The following DSTYK variants were observed in gnomAD, a reference collection of about 807,000 sequenced individuals.
DSTYK encodes dual serine/threonine and tyrosine protein kinase.
Under a neutral mutation model 98.7 loss-of-function variants are expected in DSTYK, and 34 were observed. The observed-to-expected ratio is 0.34, with a 90% CI of 0.26 to 0.46. The LOEUF (loss-of-function observed/expected upper bound fraction) is 0.46, where lower values mean the gene tolerates loss of function less well. Ranked by LOEUF, DSTYK falls within the 20% of genes least tolerant of loss-of-function variation. The pLI is 1.00. For missense variants in DSTYK, 962 were observed against 1,181.7 expected (o/e 0.81, Z 2.73); for synonymous variants, 462 against 457.3 (o/e 1.01, Z -0.13).
rs957622546 is a variant in DSTYK, at chr1:205,211,674, C to A, written c.-139G>T. The stretch of plus-strand genomic sequence containing the variant: ...TGCAGTCAGCCTGGCTCCCAACCTC[C>A]GTCACTGCCGTTGCAAACAAACCAA... On this transcript the variant is annotated 5_prime_UTR_variant, in exon 1 of 13. Transcript: ENST00000367162. 5.9e-6 allele frequency: 7 copies of A among 1,186,096 alleles called. No individual in the cohort carries two copies. The highest frequency in any genetic ancestry group is 6.7e-6 in the Non-Finnish European group (6 of 891,420). 73.5% of individuals were successfully genotyped at this position (1,186,096 alleles called of 1,614,324 possible).
rs1413839970 is a variant in DSTYK, at chr1:205,169,349, T to G, written c.1138A>C (p.Met380Leu). The G allele has an allele frequency of 6.2e-7, 1 of 1,614,196 alleles. No homozygotes were observed. The change falls in exon 3 of 13, where the codon ATG (methionine) becomes CTG (leucine). Residue 380 changes from methionine (M) to leucine (L), a missense_variant. Met to Leu is a conservative substitution (Grantham distance 15). Transcript: ENST00000367162. This position sits in a 1 kb window ranked among gnomAD's most constrained non-coding sequence, Gnocchi z 4.0. ...LDIFINQAFD[M>L]QRDLQITPKR... is the part of the protein sequence containing the mutation. ...GGAGTGATCTGCAGGTCCCGCTGCA[T>G]GTCAAATGCCTGGTTAATAAAGATG...
intron 7 of DSTYK, among the ~76,000 whole-genome samples, chr1:205,160,650 T>C (rs1183393132): frequency 6.6e-6 from 1 of 152,100 alleles, no homozygotes; most frequent in South Asian, 2.1e-4. Context: ...ACATTCTTCA[T>C]TGTGAACCTG....
At chr1:205,202,772 T>A in intron 1 of DSTYK, 1 of 630,972 alleles carries the variant, frequency 1.6e-6, no homozygotes, top group Admixed American at 2.4e-5. Flanking sequence ...TACAATTAAA[T>A]ATTTTTTTAA....
chr1:205,211,286 T>A lies in DSTYK; in HGVS notation c.250A>T (p.Thr84Ser). 2 of 1,606,954 alleles carry A rather than the reference T, an allele frequency of 1.2e-6. No homozygotes were observed. Among genetic ancestry groups the A allele is most frequent in the Non-Finnish European group, 1.7e-6 (2 of 1,177,414 alleles). Residue 84 changes from threonine to serine, a missense_variant, in exon 1 of 13, where the codon ACC (threonine) becomes TCC (serine). Thr to Ser is a moderately conservative substitution (Grantham distance 58). Around this residue, in one of 4 missense-constraint regions of DSTYK, gnomAD observed 660 missense variants for 855.0 expected, o/e 0.77. Transcript: ENST00000367162. The part of the protein sequence containing the change: ...ERGPAGDVAE[T>S]GLQAGQLSCI... ...CCCTCCTTACCCGCCTGCAGCCCGGTTTCGGCGACATCGCCTGCAGGGCCG... is the reference window on the plus strand; with the variant it reads ...CCCTCCTTACCCGCCTGCAGCCCGGATTCGGCGACATCGCCTGCAGGGCCG...
At position 205,163,724 on chromosome 1, in the gene DSTYK, T is replaced by C; in HGVS notation, c.1556A>G (p.Gln519Arg). The C allele has an allele frequency of 1.9e-6, 3 of 1,612,084 alleles. No individual in the cohort carries two copies. The highest frequency in any genetic ancestry group is 2.5e-6 in the Non-Finnish European group (3 of 1,178,482). Residue 519 changes from glutamine (Q) to arginine (R), a missense_variant and splice_region_variant, in exon 4 of 13, where the codon CAG becomes CGG. Transcript: ENST00000367162. ...TCTTAAAAATCATTCTTTGTCTACC[T>C]GTTTGAGATAATTACTGGTGATGTG... ...SVHITSNYLK[Q>R]ILNAAYHVEV...
chr1:205,162,918 C>T lies in DSTYK; in HGVS notation c.1641+5G>A, dbSNP rs376837572. ...TGAAATCTTTCTCTAAGTAATAATCCCTACCTGTTTGATTTGCTCCCATAG... is the reference window on the plus strand; with the variant it reads ...TGAAATCTTTCTCTAAGTAATAATCTCTACCTGTTTGATTTGCTCCCATAG... On this transcript the variant is annotated splice_donor_5th_base_variant and intron_variant, in intron 5 of 12. Coordinates refer to ENST00000367162, the MANE Select transcript of DSTYK (RefSeq NM_015375.3). The T allele has an allele frequency of 1.9e-6, 3 of 1,608,984 alleles. No individual in the cohort carries two copies. The highest frequency in any genetic ancestry group is 2.6e-6 in the Non-Finnish European group (3 of 1,175,380).
At chr1:205,176,616 AT>A (rs1285386183) in intron 2 of DSTYK, among the ~76,000 whole-genome samples, 1 of 149,250 alleles carries the variant, frequency 6.7e-6, no homozygotes, top group Non-Finnish European at 1.5e-5. Context: ...TTATTTTTAA[AT>A]TTTTTGTAGA....
Position 205,145,156 on chromosome 1 carries a change from A to T in DSTYK, c.*2402T>A, listed in dbSNP as rs1025982169. 3 of 152,222 alleles carry T rather than the reference A, an allele frequency of 2.0e-5. No individual in the cohort carries two copies. Among genetic ancestry groups the T allele is most frequent in the Admixed American group, 6.5e-5 (1 of 15,280 alleles). 9.4% of individuals were successfully genotyped at this position (152,222 alleles called of 1,614,324 possible). ...ATAGTTCCCAGAAGGACAGTAAGTT[A>T]GTGCAGAGAATAGAGTACTTGAAGT... On this transcript the variant is annotated 3_prime_UTR_variant, in exon 13 of 13. Transcript: ENST00000367162.
At chr1:205,181,658 GTGTGTGTGTGTGT>G (rs1658406430) in intron 2 of DSTYK, among the ~76,000 whole-genome samples, 2 of 69,146 alleles carry the variant, frequency 2.9e-5, no homozygotes, top group African/African-American at 1.3e-4. Flanking sequence ...GTTGGGGTTT[GTGTGTGTGTGTGT>G]GTGTGTGTGT....
Position 205,208,972 on chromosome 1 carries a change from G to T in DSTYK, c.265+2299C>A, listed in dbSNP as rs1574808663. ...GCATTTTATGGAACAAAACCAAATT[G>T]CTCCCACTCCTGCCATCTGCACCCT... On this transcript the variant is annotated intron_variant, in intron 1 of 12. Coordinates refer to ENST00000367162, the MANE Select transcript of DSTYK (RefSeq NM_015375.3). Among the ~76,000 whole-genome samples the T allele has an allele frequency of 3.3e-5, 5 of 152,154 alleles. No homozygotes were observed. The South Asian group carries it at 6.2e-4, about 19-fold the overall frequency.
At position 205,169,419 on chromosome 1, in the gene DSTYK, C is replaced by T. The variant is rs1449041669; in HGVS notation, c.1068G>A (p.Val356=). Reference sequence around the variant, plus strand: ...CCAGGTTCAGGGCCTTGGCTGCATCCACCAGGCGAGTCTGTAACACCTGGT... The same window carrying T: ...CCAGGTTCAGGGCCTTGGCTGCATCTACCAGGCGAGTCTGTAACACCTGGT... The part of the protein sequence containing the change: ...FSHQVLQTRL[V]DAAKALNLVH... Residue 356 remains valine, a synonymous_variant, in exon 3 of 13, where the codon GTG becomes GTA. Coordinates refer to ENST00000367162, the MANE Select transcript of DSTYK (RefSeq NM_015375.3). This position sits in a 1 kb window ranked among gnomAD's most constrained non-coding sequence, Gnocchi z 4.0. The T allele has an allele frequency of 1.2e-6, 2 of 1,614,140 alleles. No homozygotes were observed. Among genetic ancestry groups the T allele is most frequent in the Non-Finnish European group, 1.7e-6 (2 of 1,180,038 alleles).
chr1:205,159,571 G>C lies in DSTYK; in HGVS notation c.2214C>G (p.His738Gln). ...CCTTCAGCCCTGTGTAGAGATCCCG[G>C]TGTAGCCGCTCCATAATGAGGAGCA... The part of the protein sequence containing the change: ...IAVLLIMERL[H>Q]RDLYTGLKAG... Residue 738 changes from histidine (H) to glutamine (Q), a missense_variant, in exon 9 of 13, where the codon CAC becomes CAG. Physicochemically the swap from His to Gln is conservative, Grantham distance 24 (BLOSUM62 0). Coordinates refer to ENST00000367162, the MANE Select transcript of DSTYK (RefSeq NM_015375.3). 1 of 1,612,270 alleles carries C rather than the reference G, an allele frequency of 6.2e-7. No homozygotes were observed. Among genetic ancestry groups the C allele is most frequent in the Non-Finnish European group, 8.5e-7 (1 of 1,179,388 alleles).
At chr1:205,188,523 T>TA (rs1472491704) in intron 1 of DSTYK, among the ~76,000 whole-genome samples, 2 of 152,174 alleles carry the variant, frequency 1.3e-5, no homozygotes, top group African/African-American at 2.4e-5. Context: ...TAAACATATC[T>TA]AAACATAGAA....
chr1:205,202,699 T>A, intron 1 of DSTYK: 1 of 1,001,570 alleles, frequency 1.0e-6, no homozygotes, highest in Non-Finnish European at 1.6e-6. Flanking sequence ...GAAAAAGTTA[T>A]CCCAGAAGAA....
chr1:205,205,870 G>A (rs931291637), intron 1 of DSTYK, among the ~76,000 whole-genome samples: 1 of 152,096 alleles, frequency 6.6e-6, no homozygotes, highest in African/African-American at 2.4e-5. Context: ...GCTCACCAAA[G>A]GCAAAGAGCT....
At chr1:205,193,751 G>A (rs1243546494) in intron 1 of DSTYK, among the ~76,000 whole-genome samples, 1 of 151,862 alleles carries the variant, frequency 6.6e-6, no homozygotes, top group Admixed American at 6.6e-5. Context: ...TGTGCCTATA[G>A]TCCCAACTAG....
chr1:205,171,297 A>G lies in DSTYK; in HGVS notation c.655-1465T>C, dbSNP rs1574768727. Among the ~76,000 whole-genome samples, 4 of 151,986 alleles carry G rather than the reference A, an allele frequency of 2.6e-5. No individual in the cohort carries two copies. The South Asian group carries it at 8.3e-4, about 32-fold the overall frequency. ...AAAACCCCATCTGTACTAAAAATACAAAAATTATCCGGGTGTGGTGGTGGG... is the reference window on the plus strand; with the variant it reads ...AAAACCCCATCTGTACTAAAAATACGAAAATTATCCGGGTGTGGTGGTGGG... On this transcript the variant is annotated intron_variant, in intron 2 of 12. Transcript: ENST00000367162.
intron 10 of DSTYK, among the ~76,000 whole-genome samples, chr1:205,155,831 A>G (rs1395065391): frequency 1.3e-5 from 2 of 152,164 alleles, no homozygotes; most frequent in Non-Finnish European, 2.9e-5. Flanking sequence ...AGCCCCTCCT[A>G]TGACAGGCCT....
chr1:205,160,493 G>A (rs1479263319), intron 7 of DSTYK, among the ~76,000 whole-genome samples: 2 of 151,980 alleles, frequency 1.3e-5, no homozygotes, highest in African/African-American at 2.4e-5. Flanking sequence ...ACGCCACCAC[G>A]CACAGCTAAT....
Sources: allele counts gnomAD v4.1 joint callset (sites outside exome capture counted in the v4.1 genomes callset), GRCh38; gene constraint gnomAD v4.1.1; regional missense constraint gnomAD v4.1.1; non-coding constraint Gnocchi (gnomAD v3.1); transcripts MANE v1.5; gene names NCBI Gene and HGNC (gene_info 2026-07-23, HGNC 2026-07-21).